Variants in SEMA6D observed in about 807,000 individuals in gnomAD.
SEMA6D encodes the protein semaphorin-6D.
A neutral mutation model predicts 106.6 loss-of-function variants in SEMA6D; 35 were observed. The ratio of observed to expected loss-of-function variants is 0.33; its 90% CI spans 0.25 to 0.44. The LOEUF (loss-of-function observed/expected upper bound fraction) is 0.44. Among genes scored for constraint, SEMA6D ranks in the 20% least tolerant of loss-of-function variants. The probability of loss-of-function intolerance (pLI) is 1.00; values close to 1 mark genes in which losing one functional copy is unlikely to be tolerated. For missense variants in SEMA6D, 1,185 were observed against 1,345.9 expected, an observed-to-expected ratio of 0.88 and a Z score of 1.87; for synonymous variants, 499 against 487.7, an observed-to-expected ratio of 1.02 and a Z score of -0.31.
At chr15:47,392,367 C>A (rs1039046007) in intron 1 of SEMA6D, among the ~76,000 whole-genome samples, 5 of 152,070 alleles carry the variant, frequency 3.3e-5, no homozygotes, top group African/African-American at 1.2e-4. Context: ...AATTGAGGAT[C>A]CTGAGGTAGG....
At chr15:47,522,010 A>G (rs2044599287) in intron 3 of SEMA6D, among the ~76,000 whole-genome samples, 1 of 151,990 alleles carries the variant, frequency 6.6e-6, no homozygotes, top group South Asian at 2.1e-4. Context: ...AGAAAGATTC[A>G]TTAGCAGTAA....
At chr15:47,626,016 G>A (rs897963983) in intron 4 of SEMA6D, among the ~76,000 whole-genome samples, 4 of 152,222 alleles carry the variant, frequency 2.6e-5, no homozygotes, top group Non-Finnish European at 4.4e-5. Flanking sequence ...CCAGGAAGGG[G>A]GCCTGGGGCA....
chr15:47,267,890 C>CT (rs199958682), intron 1 of SEMA6D, among the ~76,000 whole-genome samples: 3,034 of 151,934 alleles, frequency 0.02, 99 homozygotes, highest in African/African-American at 0.069. Flanking sequence ...TTTTTGTTTG[C>CT]TTTTTTTCTA....
intron 4 of SEMA6D, among the ~76,000 whole-genome samples, chr15:47,604,763 C>T (rs2076740199): frequency 6.6e-6 from 1 of 152,032 alleles, no homozygotes; most frequent in South Asian, 2.1e-4. Flanking sequence ...GTGGCATGAT[C>T]TTGGCTCACT....
At chr15:47,440,647 A>G (rs781498941) in intron 2 of SEMA6D, among the ~76,000 whole-genome samples, 1 of 151,876 alleles carries the variant, frequency 6.6e-6, no homozygotes, top group Non-Finnish European at 1.5e-5. Flanking sequence ...TGCTGAAGAT[A>G]AAGTTAAAAA....
chr15:47,700,078 G>A (rs896426435), intron 4 of SEMA6D, among the ~76,000 whole-genome samples: 1 of 152,008 alleles, frequency 6.6e-6, no homozygotes, highest in African/African-American at 2.4e-5. Flanking sequence ...GTACAACATA[G>A]GTACAAGATT....
chr15:47,486,352 C>T (rs183930730), intron 3 of SEMA6D, among the ~76,000 whole-genome samples: 35 of 152,300 alleles, frequency 2.3e-4, no homozygotes, highest in Admixed American at 2.0e-3. Flanking sequence ...TAAGATTGAA[C>T]TTTTGATGTT....
chr15:47,248,163 A>G (rs1256167659), intron 1 of SEMA6D, among the ~76,000 whole-genome samples: 1 of 152,208 alleles, frequency 6.6e-6, no homozygotes, highest in South Asian at 2.1e-4. Context: ...TATCAGCCCA[A>G]TGAAAATCAG....
intron 1 of SEMA6D, among the ~76,000 whole-genome samples, chr15:47,365,393 C>G (rs1425169665): frequency 6.6e-6 from 1 of 152,092 alleles, no homozygotes; most frequent in Non-Finnish European, 1.5e-5. Flanking sequence ...GTGGATCACC[C>G]CCACTGCAGC....
intron 1 of SEMA6D, among the ~76,000 whole-genome samples, chr15:47,282,128 C>T (rs1366662164): frequency 6.6e-6 from 1 of 152,086 alleles, no homozygotes. Context: ...TGTGCATATA[C>T]ATGTATAGGT....
At chr15:47,586,911 A>G (rs1169942926) in intron 3 of SEMA6D, among the ~76,000 whole-genome samples, 1 of 116,238 alleles carries the variant, frequency 8.6e-6, no homozygotes, top group Non-Finnish European at 1.8e-5. Context: ...TTTTTTTACA[A>G]GACCTGTCTG....
At chr15:47,277,147 C>T (rs1445410650) in intron 1 of SEMA6D, among the ~76,000 whole-genome samples, 3 of 152,076 alleles carry the variant, frequency 2.0e-5, no homozygotes, top group African/African-American at 4.8e-5. Flanking sequence ...TATGGGTGAG[C>T]AAAGAAAGTG....
At chr15:47,238,869 A>G (rs886101653) in intron 1 of SEMA6D, among the ~76,000 whole-genome samples, 2 of 152,156 alleles carry the variant, frequency 1.3e-5, no homozygotes, top group Non-Finnish European at 2.9e-5. Context: ...TTTAGGATTC[A>G]TTGACACTTA....
intron 3 of SEMA6D, among the ~76,000 whole-genome samples, chr15:47,530,195 C>G (rs903378603): frequency 2.0e-5 from 3 of 152,220 alleles, no homozygotes; most frequent in African/African-American, 7.2e-5. Context: ...TTGACAGATA[C>G]ATACCACAGG....
chr15:47,682,027 T>G (rs746661639), intron 4 of SEMA6D, among the ~76,000 whole-genome samples: 1 of 152,288 alleles, frequency 6.6e-6, no homozygotes, highest in African/African-American at 2.4e-5. Context: ...CTCCATAACA[T>G]TAATCTTCCA....
intron 1 of SEMA6D, among the ~76,000 whole-genome samples, chr15:47,253,631 T>C (rs117972663): frequency 0.012 from 1,792 of 152,240 alleles, 12 homozygotes; most frequent in Non-Finnish European, 0.019. Flanking sequence ...TTCCCCAACA[T>C]ATGTTCTTGG....
chr15:47,532,808 T>C (rs1228471492), intron 3 of SEMA6D, among the ~76,000 whole-genome samples: 3 of 152,228 alleles, frequency 2.0e-5, no homozygotes, highest in Non-Finnish European at 4.4e-5. Context: ...ATTCCATATC[T>C]GAGTACAGCT....
intron 4 of SEMA6D, among the ~76,000 whole-genome samples, chr15:47,708,935 A>G (rs1017870443): frequency 1.2e-4 from 18 of 152,304 alleles, no homozygotes; most frequent in African/African-American, 3.8e-4. Context: ...ATAGTGCTCT[A>G]TAAGAACCAA....
At chr15:47,214,812 G>C (rs1285895538) in intron 1 of SEMA6D, among the ~76,000 whole-genome samples, 2 of 152,156 alleles carry the variant, frequency 1.3e-5, no homozygotes, top group African/African-American at 4.8e-5. Flanking sequence ...GTACTTACCA[G>C]TTTTCTTAGG....
Sources: allele counts gnomAD v4.1 joint callset (sites outside exome capture counted in the v4.1 genomes callset), GRCh38; gene constraint gnomAD v4.1.1; transcripts MANE v1.5; gene names NCBI Gene and HGNC (gene_info 2026-07-23, HGNC 2026-07-21).